MDGA1: variants seen among roughly 807,000 people sequenced by gnomAD.
The protein encoded by MDGA1 is MAM domain containing glycosylphosphatidylinositol anchor 1, also known as MAM domain-containing glycosylphosphatidylinositol anchor protein 1.
A neutral mutation model predicts 101.5 loss-of-function variants in MDGA1; 54 were observed. That is an observed-to-expected ratio of 0.53 (90% CI 0.43 to 0.67). MDGA1 has a LOEUF of 0.67. Among genes scored for constraint, MDGA1 ranks in the 30% least tolerant of loss-of-function variants. MDGA1 has a pLI of 0.00. For missense variants in MDGA1, 1,083 were observed against 1,323.8 expected (o/e 0.82, Z 2.82); for synonymous variants, 533 against 558.3 (o/e 0.95, Z 0.64).
intron 14 of MDGA1, among the ~76,000 whole-genome samples, chr6:37,640,622 C>A (rs1001339633): frequency 1.3e-5 from 2 of 152,068 alleles, no homozygotes; most frequent in East Asian, 3.9e-4. Context: ...TGAACAGGCC[C>A]TTTTCAAAAG....
Position 37,649,042 on chromosome 6 carries a change from T to A in MDGA1, c.1834A>T (p.Ser612Cys). 1 of 1,545,892 alleles carries A rather than the reference T, an allele frequency of 6.5e-7. No individual in the cohort carries two copies. Among genetic ancestry groups the A allele is most frequent in the Non-Finnish European group, 8.7e-7 (1 of 1,145,884 alleles). ...LDAVTRDSSG[S>C]YECSVSNDVG... ...TCGTTGGAGACGCTGCACTCGTAGC[T>A]GCCGCTGCTGTCGCGAGTTACGGCG... The change falls in exon 9 of 17, where the codon AGC (serine) becomes TGC (cysteine). Residue 612 changes from serine to cysteine, a missense_variant. By Grantham distance (112) the Ser-to-Cys change is moderately radical. Coordinates refer to ENST00000434837, the MANE Select transcript of MDGA1 (RefSeq NM_153487.4).
chr6:37,632,226 TTA>T lies in MDGA1; in HGVS notation c.*5140_*5141del, dbSNP rs997363426. The T allele has an allele frequency of 6.6e-6, 1 of 152,250 alleles. No individual in the cohort carries two copies. The highest frequency in any genetic ancestry group is 2.4e-5 in the African/African-American group (1 of 41,464). The allele number at this position is 152,250 out of a possible 1,614,324, so 9.4% of individuals were successfully genotyped here. On this transcript the variant is annotated 3_prime_UTR_variant, in exon 17 of 17. Transcript: ENST00000434837. The stretch of plus-strand genomic sequence containing the variant: ...TTCCCAGCCCTCACTGTACACATCA[TTA>T]TATATGTCTTGGTGTCATTATTAGC...
chr6:37,654,355 G>C lies in MDGA1; in HGVS notation c.901C>G (p.Arg301Gly). ...GTLSIPSVQA[R>G]DSGYYNCTAT... is the part of the protein sequence containing the mutation. ...GTGCAGTTGTAGTAGCCAGAGTCCC[G>C]GGCCTGCACTGAAGGGATGCTGAGG... The change falls in exon 6 of 17, where the codon CGG (arginine) becomes GGG (glycine). Residue 301 changes from arginine to glycine, a missense_variant. This residue lies in a region of MDGA1 where 116 missense variants were observed against 196.6 expected (regional missense o/e 0.59). Transcript: ENST00000434837. 6.2e-7 allele frequency: 1 copy of C among 1,611,196 alleles called. No homozygotes were observed. Among genetic ancestry groups the C allele is most frequent in the Non-Finnish European group, 8.5e-7 (1 of 1,178,462 alleles).
intron 1 of MDGA1, among the ~76,000 whole-genome samples, chr6:37,690,791 C>A (rs959818072): frequency 7.9e-6 from 1 of 126,278 alleles, no homozygotes; most frequent in African/African-American, 3.2e-5. Flanking sequence ...AAAAAAAAAT[C>A]CTTTACTGTT....
Position 37,696,922 on chromosome 6 carries a change from T to G in MDGA1, c.-111A>C. 2 of 877,858 alleles carry G rather than the reference T, an allele frequency of 2.3e-6. No individual in the cohort carries two copies. The allele number at this position is 877,858 out of a possible 1,614,324, so 54.4% of individuals were successfully genotyped here. ...TATGTCCCCCCCTTTCCCTGAGAGG[T>G]GAGAGAGAGAGCGGCGACGAAGACC... On this transcript the variant is annotated 5_prime_UTR_variant, in exon 1 of 17. Transcript: ENST00000434837. This position sits in a 1 kb window ranked among gnomAD's most constrained non-coding sequence, Gnocchi z 5.6.
intron 1 of MDGA1, among the ~76,000 whole-genome samples, chr6:37,689,892 A>AC (rs1359322584): frequency 6.6e-6 from 1 of 152,054 alleles, no homozygotes; most frequent in Non-Finnish European, 1.5e-5. Context: ...TCAAACCCCT[A>AC]CCATCTATTC....
intron 6 of MDGA1, among the ~76,000 whole-genome samples, chr6:37,653,849 ATG>A (rs1302158115): frequency 1.3e-5 from 2 of 152,170 alleles, no homozygotes; most frequent in East Asian, 3.9e-4. Context: ...GCATATGGAA[ATG>A]TGTGTTATTT....
In MDGA1 at chr6:37,630,876, C is replaced by G. The variant is rs111570736; in HGVS notation, c.*6492G>C. 6.6e-6 allele frequency: 1 copy of G among 152,128 alleles called. No homozygotes were observed. Among genetic ancestry groups the G allele is most frequent in the Non-Finnish European group, 1.5e-5 (1 of 68,046 alleles). 9.4% of individuals were successfully genotyped at this position (152,128 alleles called of 1,614,324 possible). On this transcript the variant is annotated 3_prime_UTR_variant, in exon 17 of 17. Transcript: ENST00000434837. The stretch of plus-strand genomic sequence containing the variant: ...GTCAGCCAGAGCCCCTCCAGCATGA[C>G]GGTCTCAGAGCAACTCAGAGGACAT...
intron 10 of MDGA1, 28 bp from the exon 11 acceptor site, chr6:37,646,403 C>A: frequency 7.0e-7 from 1 of 1,434,090 alleles, no homozygotes; most frequent in Non-Finnish European, 9.2e-7. Flanking sequence ...TTCCCAGATG[C>A]CTAGGAAGTC....
intron 1 of MDGA1, among the ~76,000 whole-genome samples, chr6:37,680,089 C>T (rs1196201896): frequency 6.6e-6 from 1 of 152,218 alleles, no homozygotes; most frequent in Non-Finnish European, 1.5e-5. Context: ...TAGTTACTGA[C>T]ACCTCAGTGT....
intron 2 of MDGA1, among the ~76,000 whole-genome samples, chr6:37,658,835 A>G (rs1761556038): frequency 6.6e-6 from 1 of 151,994 alleles, no homozygotes; most frequent in African/African-American, 2.4e-5. Flanking sequence ...GCCGGGCGTT[A>G]TGGCGCGCAC....
intron 1 of MDGA1, among the ~76,000 whole-genome samples, chr6:37,678,042 C>T (rs568898082): frequency 6.0e-4 from 92 of 152,320 alleles, no homozygotes; most frequent in African/African-American, 1.9e-3. Context: ...GGAAAATTAG[C>T]TCTGAGGTTA....
intron 14 of MDGA1, chr6:37,639,370 G>T (rs1436366815): frequency 6.6e-6 from 1 of 152,426 alleles, no homozygotes; most frequent in East Asian, 1.9e-4. Flanking sequence ...TGTCTTGGGG[G>T]AGCATCCTGT....
rs189071236 is a variant in MDGA1, at chr6:37,694,565, G to A, written c.67+2180C>T. ...GCAGAAGAACTAGTCCCAGATCTTC[G>A]ACCTACTTCTTAAGCCAGTCCTGGT... On this transcript the variant is annotated intron_variant, in intron 1 of 16. Coordinates refer to ENST00000434837, the MANE Select transcript of MDGA1 (RefSeq NM_153487.4). Among the ~76,000 whole-genome samples, 284 of 152,220 alleles carry A rather than the reference G, an allele frequency of 1.9e-3. 2 individuals carry two copies. Among genetic ancestry groups the A allele is most frequent in the Non-Finnish European group, 3.1e-3 (208 of 68,016 alleles).
Position 37,687,642 on chromosome 6 carries a change from G to T in MDGA1, c.67+9103C>A, listed in dbSNP as rs57828801. On this transcript the variant is annotated intron_variant, in intron 1 of 16. Transcript: ENST00000434837. ...AGCTCTGAAATTTTCACTTTCTTTG[G>T]TTTTTTTGTAATAGAGACAGAGTCT... Among the ~76,000 whole-genome samples the T allele has an allele frequency of 9.5e-3, 1,442 of 151,608 alleles. 21 individuals carry two copies. The highest frequency in any genetic ancestry group is 0.033 in the African/African-American group (1,364 of 41,354).
chr6:37,663,219 A>G (rs1883900), intron 2 of MDGA1, among the ~76,000 whole-genome samples: 90,078 of 152,040 alleles, frequency 0.59, 28,136 homozygotes, highest in East Asian at 0.85. Context: ...CAGTGATCAC[A>G]GGCCAGTGCT....
At position 37,658,261 on chromosome 6, in the gene MDGA1, G is replaced by A. The variant is rs1561849313; in HGVS notation, c.366C>T (p.Ile122=). 6.2e-7 allele frequency: 1 copy of A among 1,603,596 alleles called. No homozygotes were observed. The highest frequency in any genetic ancestry group is 8.5e-7 in the Non-Finnish European group (1 of 1,174,976). The change falls in exon 3 of 17, where the codon ATC becomes ATT. Residue 122 remains isoleucine, a synonymous_variant. Coordinates refer to ENST00000434837, the MANE Select transcript of MDGA1 (RefSeq NM_153487.4). ...TCAACTCACACTGCACGTCCACGCGGATGGACTTGATGGCCGGCACCCCCA... is the reference window on the plus strand; with the variant it reads ...TCAACTCACACTGCACGTCCACGCGAATGGACTTGATGGCCGGCACCCCCA... ...NGVGVPAIKS[I]RVDVQYLDEP...
chr6:37,674,235 C>T (rs984935187), intron 1 of MDGA1, among the ~76,000 whole-genome samples: 3 of 152,264 alleles, frequency 2.0e-5, no homozygotes, highest in African/African-American at 7.2e-5. Context: ...AACCAGAGTG[C>T]ATGTGTCTCT....
At chr6:37,667,932 G>A (rs3846883) in intron 1 of MDGA1, among the ~76,000 whole-genome samples, 39,413 of 152,040 alleles carry the variant, frequency 0.26, 5,439 homozygotes, top group East Asian at 0.36. Flanking sequence ...GGCCATGAGT[G>A]GATATCAGAG....
Sources: allele counts gnomAD v4.1 joint callset (sites outside exome capture counted in the v4.1 genomes callset), GRCh38; gene constraint gnomAD v4.1.1; regional missense constraint gnomAD v4.1.1; non-coding constraint Gnocchi (gnomAD v3.1); transcripts MANE v1.5; gene names NCBI Gene and HGNC (gene_info 2026-07-23, HGNC 2026-07-21).